Variants in SCCPDH observed in about 807,000 individuals in gnomAD.
SCCPDH encodes saccharopine dehydrogenase-like oxidoreductase.
SCCPDH carries 34 observed loss-of-function variants against 51.5 expected under a neutral mutation model. That is an observed-to-expected ratio of 0.66 (90% confidence interval 0.50 to 0.88). The LOEUF is 0.88. Among genes scored for constraint, SCCPDH ranks in the 40% least tolerant of loss-of-function variants. SCCPDH has a pLI of 0.00. For missense variants in SCCPDH, 464 were observed against 527.1 expected (o/e 0.88, Z 1.17); for synonymous variants, 187 against 191.3 (o/e 0.98, Z 0.19).
chr1:246,752,174 G>A (rs1668860217), intron 5 of SCCPDH, among the ~76,000 whole-genome samples: 1 of 152,126 alleles, frequency 6.6e-6, no homozygotes, highest in African/African-American at 2.4e-5. Flanking sequence ...GAGGCCACAA[G>A]ATTAGAAGTT....
chr1:246,745,328 A>G, intron 5 of SCCPDH, among the ~76,000 whole-genome samples: 1 of 152,368 alleles, frequency 6.6e-6, no homozygotes, highest in African/African-American at 2.4e-5. Context: ...TCTAAATTAT[A>G]TTCATTCAAC....
At chr1:246,760,261 A>C in intron 9 of SCCPDH, 34 bp downstream of exon 9, 1 of 1,556,784 alleles carries the variant, frequency 6.4e-7, no homozygotes, top group Non-Finnish European at 8.7e-7. Flanking sequence ...CTAAAATAAT[A>C]TTTTTCTTTG....
chr1:246,751,067 G>C (rs972314167), intron 5 of SCCPDH, among the ~76,000 whole-genome samples: 5 of 152,174 alleles, frequency 3.3e-5, no homozygotes, highest in Non-Finnish European at 7.3e-5. Flanking sequence ...TCTCTGGTCT[G>C]GCAGTATCCA....
chr1:246,762,841 CAAAAAAAAAAA>C lies in SCCPDH; in HGVS notation c.991-1394_991-1384del, dbSNP rs35066232. The stretch of plus-strand genomic sequence containing the variant: ...GGGCAACACAGCGAGATTCCTTCTC[CAAAAAAAAAAA>C]AAAAAAAAAAGAATCACCTAGGAAG... On this transcript the variant is annotated intron_variant, in intron 9 of 11. Transcript: ENST00000366510. Among the ~76,000 whole-genome samples, 873 of 90,930 alleles carry C rather than the reference CAAAAAAAAAAA, an allele frequency of 9.6e-3. 13 individuals carry two copies. Among genetic ancestry groups the C allele is most frequent in the African/African-American group, 0.033 (808 of 24,192 alleles). The allele number at this position is 90,930 out of a possible 152,430, so 59.7% of individuals were successfully genotyped here. A position where few individuals can be genotyped will look rare whatever the true frequency, so the allele number is the denominator to read the frequency against.
At chr1:246,739,945 T>G (rs1668653510) in intron 3 of SCCPDH, among the ~76,000 whole-genome samples, 1 of 152,184 alleles carries the variant, frequency 6.6e-6, no homozygotes, top group African/African-American at 2.4e-5. Flanking sequence ...CTAAAAAAAT[T>G]AAGTGTCATA....
Position 246,724,623 on chromosome 1 carries a change from G to T in SCCPDH, c.190+11G>T. On this transcript the variant is annotated intron_variant, in intron 1 of 11. Coordinates refer to ENST00000366510, the MANE Select transcript of SCCPDH (RefSeq NM_016002.3). ...CGGCCCTGAAGCTGGGTACAGCGGC[G>T]GGGCGGGACGGGGCTGCGCGGGCGG... The T allele has an allele frequency of 6.9e-7, 1 of 1,456,394 alleles. No individual in the cohort carries two copies. The highest frequency in any genetic ancestry group is 1.4e-5 in the South Asian group (1 of 73,636). The allele number at this position is 1,456,394 out of a possible 1,614,324, so 90.2% of individuals were successfully genotyped here.
chr1:246,760,091 A>G lies in SCCPDH; in HGVS notation c.933+15A>G. 6.2e-7 allele frequency: 1 copy of G among 1,602,632 alleles called. No individual in the cohort carries two copies. Among genetic ancestry groups the G allele is most frequent in the Non-Finnish European group, 8.5e-7 (1 of 1,175,364 alleles). On this transcript the variant is annotated intron_variant, in intron 8 of 11. Transcript: ENST00000366510. The stretch of plus-strand genomic sequence containing the variant: ...TTCTCATAAAAGTAAGTAAGATTTT[A>G]TGAAATTAGATTATTTTTATTAGAA...
chr1:246,766,498 A>G (rs1332963182), intron 11 of SCCPDH, among the ~76,000 whole-genome samples: 3 of 148,678 alleles, frequency 2.0e-5, no homozygotes, highest in Non-Finnish European at 4.4e-5. Flanking sequence ...CCCAGCTGGC[A>G]GTAGTAACCC....
chr1:246,767,422 T>A lies in SCCPDH; in HGVS notation c.*122T>A, dbSNP rs1572310838. 1 of 497,960 alleles carries A rather than the reference T, an allele frequency of 2.0e-6. No homozygotes were observed. Among genetic ancestry groups the A allele is most frequent in the Non-Finnish European group, 3.4e-6 (1 of 297,090 alleles). The allele number at this position is 497,960 out of a possible 1,614,324, so 30.8% of individuals were successfully genotyped here. A position where few individuals can be genotyped will look rare whatever the true frequency, so the allele number is the denominator to read the frequency against. ...GGAAACGATTGTCAAATCTAAAATA[T>A]CTATATATTAAAAAGTAGGAAATTG... On this transcript the variant is annotated 3_prime_UTR_variant, in exon 12 of 12. Transcript: ENST00000366510.
At chr1:246,732,451 G>A (rs140853070) in intron 2 of SCCPDH, among the ~76,000 whole-genome samples, 1,687 of 151,814 alleles carry the variant, frequency 0.011, 26 homozygotes, top group African/African-American at 0.038. Flanking sequence ...GCAGTGGTGC[G>A]ATCTAGGCTC....
At chr1:246,737,737 G>GCA (rs1022939275) in intron 3 of SCCPDH, among the ~76,000 whole-genome samples, 44 of 151,972 alleles carry the variant, frequency 2.9e-4, no homozygotes, top group African/African-American at 1.0e-3. Context: ...GGGTACAGGT[G>GCA]CACACCACCA....
chr1:246,765,178 T>G (rs1472716506), intron 10 of SCCPDH, among the ~76,000 whole-genome samples: 5 of 141,116 alleles, frequency 3.5e-5, no homozygotes, highest in Non-Finnish European at 3.1e-5. Flanking sequence ...GACAGACAGG[T>G]CCACTTGTGA....
chr1:246,735,867 A>G, intron 2 of SCCPDH, 108 bp from the exon 3 acceptor site: 2 of 696,310 alleles, frequency 2.9e-6, no homozygotes, highest in East Asian at 2.8e-5. Flanking sequence ...TTTTATTAAC[A>G]GTTGATTTCT....
intron 5 of SCCPDH, among the ~76,000 whole-genome samples, chr1:246,749,869 A>G (rs1401812283): frequency 1.3e-5 from 2 of 151,498 alleles, no homozygotes; most frequent in African/African-American, 4.9e-5. Flanking sequence ...CTGGTTTGAC[A>G]AATCTTCACA....
rs147018766 is a variant in SCCPDH at position 246,724,442 on chromosome 1, C to T, written c.20C>T (p.Pro7Leu). The change falls in exon 1 of 12, where the codon CCT becomes CTT. Residue 7 changes from proline to leucine, a missense_variant. By Grantham distance (98) the Pro-to-Leu change is moderately conservative. Transcript: ENST00000366510. ...CTCGTCATGGCGACCGAGCAGAGGC[C>T]TTTCCACCTGGTGGTGTTCGGCGCG... is the stretch of plus-strand genomic sequence containing the variant. MATEQR[P>L]FHLVVFGASG... 1.1e-3 allele frequency: 1,764 copies of T among 1,584,642 alleles called. 1 individual carries two copies. Among genetic ancestry groups the T allele is most frequent in the Non-Finnish European group, 1.4e-3 (1,580 of 1,168,552 alleles).
At chr1:246,751,210 A>G (rs1323969385) in intron 5 of SCCPDH, among the ~76,000 whole-genome samples, 1 of 152,262 alleles carries the variant, frequency 6.6e-6, no homozygotes, top group East Asian at 1.9e-4. Flanking sequence ...TATTAATGTT[A>G]AACTCAATTT....
At chr1:246,753,847 C>T (rs1204214900) in intron 5 of SCCPDH, among the ~76,000 whole-genome samples, 1 of 151,860 alleles carries the variant, frequency 6.6e-6, no homozygotes, top group Admixed American at 6.6e-5. Flanking sequence ...GGACAGTTCC[C>T]AGGAGGCAGG....
intron 1 of SCCPDH, among the ~76,000 whole-genome samples, chr1:246,725,582 T>G (rs183588615): frequency 1.1e-3 from 172 of 152,282 alleles, no homozygotes; most frequent in African/African-American, 3.9e-3. Flanking sequence ...CTGCTCGGAG[T>G]GCTTTTGTTC....
At position 246,727,009 on chromosome 1, in the gene SCCPDH, G is replaced by A. The variant is rs765674030; in HGVS notation, c.303+5G>A. ...GTCCTCAATTGCGTAGGACCAGTAAGTAATCAACCCTTCTTTGTATCAGAA... is the reference window on the plus strand; with the variant it reads ...GTCCTCAATTGCGTAGGACCAGTAAATAATCAACCCTTCTTTGTATCAGAA... On this transcript the variant is annotated splice_donor_5th_base_variant and intron_variant, in intron 2 of 11. Transcript: ENST00000366510. 3.9e-6 allele frequency: 6 copies of A among 1,555,130 alleles called. No homozygotes were observed. The highest frequency in any genetic ancestry group is 5.3e-6 in the Non-Finnish European group (6 of 1,126,056).
Sources: gnomAD v4.1 joint callset for allele counts (sites outside exome capture counted in the v4.1 genomes callset) on GRCh38, gnomAD v4.1.1 for gene constraint, MANE v1.5 for transcripts, NCBI Gene and HGNC (gene_info 2026-07-23, HGNC 2026-07-21) for gene names.